Variants in CARS2 observed in about 807,000 individuals in gnomAD.
CARS2 encodes cysteinyl-tRNA synthetase 2, mitochondrial.
A neutral mutation model predicts 68.8 loss-of-function variants in CARS2; 52 were observed. That is an observed-to-expected ratio of 0.76 (90% CI 0.61 to 0.95). The LOEUF is 0.95. CARS2 is among the 40% of genes least tolerant of loss of function. The pLI, the probability that CARS2 is intolerant of heterozygous loss-of-function variation, is 0.00. For missense variants in CARS2, 780 were observed against 754.2 expected (o/e 1.03, Z -0.40); for synonymous variants, 314 against 303.6 (o/e 1.03, Z -0.36).
intron 9 of CARS2, chr13:110,651,303 G>A (rs758704307): frequency 5.2e-5 from 28 of 541,946 alleles, no homozygotes; most frequent in Middle Eastern, 7.8e-4. Flanking sequence ...TTCGATCTCA[G>A]TATTTGTGGA....
intron 1 of CARS2, chr13:110,712,958 G>A (rs779819065): frequency 6.4e-7 from 1 of 1,560,422 alleles, no homozygotes; most frequent in Non-Finnish European, 8.7e-7. Flanking sequence ...GCTGGGAGTG[G>A]TGGTCCGGCC....
chr13:110,647,912 C>T (rs370937110), intron 10 of CARS2, among the ~76,000 whole-genome samples: 4 of 152,248 alleles, frequency 2.6e-5, no homozygotes, highest in Admixed American at 6.5e-5. Context: ...AGAACCTTCT[C>T]GTGCCTACTC....
At chr13:110,706,805 TAC>T (rs1227979554), upstream of CARS2, among the ~76,000 whole-genome samples, 40 of 134,026 alleles carry the variant, frequency 3.0e-4, no homozygotes, top group African/African-American at 1.1e-3. Context: ...TGCACCCCAA[TAC>T]AGTGTGCACC....
rs2062624178 is a variant in CARS2 at position 110,665,511 on chromosome 13, C to T, written c.919+1829G>A. On this transcript the variant is annotated intron_variant, in intron 8 of 14. Coordinates refer to ENST00000257347, the MANE Select transcript of CARS2 (RefSeq NM_024537.4). The surrounding 1 kb of genome is among the most constrained non-coding windows in gnomAD (Gnocchi z 4.3). Reference sequence around the variant, plus strand: ...TGAACACGACCTCCGTTTCTAGACCCGGCCCCTCCTCATTACCTGACAGGA... The same window carrying T: ...TGAACACGACCTCCGTTTCTAGACCTGGCCCCTCCTCATTACCTGACAGGA... 4.1e-6 allele frequency: 4 copies of T among 985,486 alleles called. No individual in the cohort carries two copies. The highest frequency in any genetic ancestry group is 4.8e-6 in the Non-Finnish European group (4 of 829,984). 61.0% of individuals were successfully genotyped at this position (985,486 alleles called of 1,614,324 possible). A position where few individuals can be genotyped will look rare whatever the true frequency, so the allele number is the denominator to read the frequency against.
intron 3 of CARS2, among the ~76,000 whole-genome samples, chr13:110,699,076 C>G (rs1226082603): frequency 6.6e-6 from 1 of 152,200 alleles, no homozygotes; most frequent in Admixed American, 6.5e-5. Flanking sequence ...GGGCTTCTTT[C>G]TCTCCCCTTG....
chr13:110,712,760 C>T (rs1331515436), intron 1 of CARS2: 1 of 705,810 alleles, frequency 1.4e-6, no homozygotes. Flanking sequence ...GTCCATGACA[C>T]AGGGCGGGAA....
chr13:110,702,208 C>T (rs964160477), intron 2 of CARS2, among the ~76,000 whole-genome samples: 1 of 152,286 alleles, frequency 6.6e-6, no homozygotes, highest in South Asian at 2.1e-4. Flanking sequence ...AATTTCAGTT[C>T]GTAAAATTGT....
chr13:110,659,950 T>C (rs547216129), intron 9 of CARS2, among the ~76,000 whole-genome samples: 41 of 152,358 alleles, frequency 2.7e-4, no homozygotes, highest in Non-Finnish European at 3.7e-4. Context: ...CAATGTTTGA[T>C]AGCATTTTAC....
chr13:110,673,694 G>C (rs2139792611), intron 7 of CARS2, among the ~76,000 whole-genome samples: 1 of 152,194 alleles, frequency 6.6e-6, no homozygotes, highest in East Asian at 1.9e-4. Context: ...ATTTAACATA[G>C]TGTTGGAAGT....
chr13:110,699,889 C>A (rs1161169913), intron 3 of CARS2, among the ~76,000 whole-genome samples: 1 of 152,232 alleles, frequency 6.6e-6, no homozygotes, highest in African/African-American at 2.4e-5. Flanking sequence ...GCCTGTACAA[C>A]CTCATCCACT....
Position 110,700,628 on chromosome 13 carries a change from T to TA in CARS2, c.393+809dup, listed in dbSNP as rs539294048. On this transcript the variant is annotated intron_variant, in intron 3 of 14. Transcript: ENST00000257347. Reference sequence around the variant, plus strand: ...TTTTTTAATATGGAATAAAATGTGTTAAAAAAAGCACAATAAGGTCTGCTC... The same window carrying TA: ...TTTTTTAATATGGAATAAAATGTGTTAAAAAAAAGCACAATAAGGTCTGCTC... Among the ~76,000 whole-genome samples, 96 of 152,342 alleles carry TA rather than the reference T, an allele frequency of 6.3e-4. 1 individual carries two copies. Among genetic ancestry groups the TA allele is most frequent in the Non-Finnish European group, 9.1e-4 (62 of 68,028 alleles).
intron 12 of CARS2, chr13:110,645,529 G>A (rs1319904055): frequency 6.5e-6 from 1 of 153,120 alleles, no homozygotes; most frequent in Non-Finnish European, 1.5e-5. Flanking sequence ...CACTTGCAGT[G>A]ACCCACGAGT....
chr13:110,646,769 T>C (rs1046517495), intron 11 of CARS2: 11 of 256,924 alleles, frequency 4.3e-5, no homozygotes, highest in Non-Finnish European at 7.4e-5. Context: ...GCACACTTCC[T>C]GCCAGCGCCG....
At position 110,644,473 on chromosome 13, in the gene CARS2, C is replaced by A. The variant is rs775556715; in HGVS notation, c.1328G>T (p.Gly443Val). The A allele has an allele frequency of 1.2e-6, 2 of 1,613,878 alleles. No homozygotes were observed. The highest frequency in any genetic ancestry group is 1.7e-6 in the Non-Finnish European group (2 of 1,180,012). Residue 443 changes from glycine (G) to valine (V), a missense_variant, in exon 13 of 15, where the codon GGG becomes GTG. Coordinates refer to ENST00000257347, the MANE Select transcript of CARS2 (RefSeq NM_024537.4). ...ACCAAACACAGCAGGACTTCTCGGC[C>A]CTTCAGGTTCCTGTAAGAGATCATG... ...QLRASLKEPE[G>V]PRSPAVFGAI...
Position 110,665,438 on chromosome 13 carries a change from TTG to T in CARS2, c.919+1900_919+1901del, listed in dbSNP as rs746542043. The T allele has an allele frequency of 1.9e-4, 188 of 985,316 alleles. No homozygotes were observed. The highest frequency in any genetic ancestry group is 2.1e-4 in the Non-Finnish European group (177 of 829,906). 61.0% of individuals were successfully genotyped at this position (985,316 alleles called of 1,614,324 possible). ...TCCCAGGCTGGGGGACGGAGCGAAA[TTG>T]TTTCAACAACAACAGCAAATGCTTT... On this transcript the variant is annotated intron_variant, in intron 8 of 14. Transcript: ENST00000257347. The surrounding 1 kb of genome is among the most constrained non-coding windows in gnomAD (Gnocchi z 4.3).
At chr13:110,712,959 T>A in intron 1 of CARS2, 2 of 1,560,120 alleles carry the variant, frequency 1.3e-6, no homozygotes, top group Non-Finnish European at 1.7e-6. Flanking sequence ...CTGGGAGTGG[T>A]GGTCCGGCCG....
At chr13:110,680,145 C>A (rs1009439637) in intron 6 of CARS2, among the ~76,000 whole-genome samples, 1 of 2,782 alleles carries the variant, frequency 3.6e-4, no homozygotes, top group Non-Finnish European at 8.8e-4. Context: ...TTTGGGAGGC[C>A]GAGGGGGGGG....
intron 8 of CARS2, chr13:110,663,876 A>C (rs1345660028): frequency 9.6e-7 from 1 of 1,039,932 alleles, no homozygotes; most frequent in Non-Finnish European, 1.2e-6. Context: ...ACTGGTCAGC[A>C]TCTGAAGAAA....
chr13:110,712,890 G>A, intron 1 of CARS2: 1 of 1,443,050 alleles, frequency 6.9e-7, no homozygotes, highest in South Asian at 1.2e-5. Flanking sequence ...TGAGTACCGG[G>A]AGACGACACA....
Sources: allele counts gnomAD v4.1 joint callset (sites outside exome capture counted in the v4.1 genomes callset), GRCh38; gene constraint gnomAD v4.1.1; non-coding constraint Gnocchi (gnomAD v3.1); transcripts MANE v1.5; gene names NCBI Gene and HGNC (gene_info 2026-07-23, HGNC 2026-07-21).